The following EPB41L4B variants were observed in gnomAD, a reference collection of about 807,000 sequenced individuals.
EPB41L4B encodes the protein band 4.1-like protein 4B.
EPB41L4B carries 30 observed loss-of-function variants against 112.5 expected under a neutral mutation model. That is an observed-to-expected ratio of 0.27 (90% CI 0.20 to 0.36). The LOEUF is 0.36. Among genes scored for constraint, EPB41L4B ranks in the 10% least tolerant of loss-of-function variants. The probability of loss-of-function intolerance (pLI) is 1.00; values close to 1 mark genes in which losing one functional copy is unlikely to be tolerated. For missense variants in EPB41L4B, 1,024 were observed against 1,133.3 expected (o/e 0.90, Z 1.38); for synonymous variants, 408 against 439.7 (o/e 0.93, Z 0.90).
intron 1 of EPB41L4B, among the ~76,000 whole-genome samples, chr9:109,282,977 C>T (rs1836127778): frequency 6.6e-6 from 1 of 151,994 alleles, no homozygotes; most frequent in Non-Finnish European, 1.5e-5. Flanking sequence ...CCACCGCGCC[C>T]GGCCAAATGA....
intron 4 of EPB41L4B, among the ~76,000 whole-genome samples, chr9:109,265,968 TC>T (rs1554756780): frequency 2.3e-5 from 1 of 43,386 alleles, no homozygotes; most frequent in Non-Finnish European, 5.3e-5. Flanking sequence ...GAATGACTGT[TC>T]GCCAGAAATC....
chr9:109,228,258 A>T (rs959760302), intron 15 of EPB41L4B, among the ~76,000 whole-genome samples: 2 of 152,198 alleles, frequency 1.3e-5, no homozygotes, highest in African/African-American at 4.8e-5. Context: ...TTCTCAGCAA[A>T]TCTGTGCTGT....
intron 4 of EPB41L4B, 71 bp from the exon 5 acceptor site, chr9:109,265,095 T>C (rs1476555831): frequency 5.6e-6 from 7 of 1,254,910 alleles, no homozygotes; most frequent in Non-Finnish European, 7.9e-6. Context: ...AGCTTCCCAC[T>C]GCAAACCCCA....
intron 1 of EPB41L4B, among the ~76,000 whole-genome samples, chr9:109,295,449 A>G (rs2119196831): frequency 6.6e-6 from 1 of 152,314 alleles, no homozygotes; most frequent in South Asian, 2.1e-4. Flanking sequence ...TCCTCAGTGG[A>G]CATACTTGGA....
intron 1 of EPB41L4B, among the ~76,000 whole-genome samples, chr9:109,315,950 A>G (rs959996580): frequency 6.6e-6 from 1 of 151,950 alleles, no homozygotes; most frequent in Non-Finnish European, 1.5e-5. Flanking sequence ...TTTAATGTCT[A>G]TTACTAGAAA....
At position 109,194,684 on chromosome 9, in the gene EPB41L4B, T is replaced by A. The variant is rs185686781; in HGVS notation, c.2046-287A>T. Among the ~76,000 whole-genome samples the A allele has an allele frequency of 3.9e-5, 6 of 152,368 alleles. No homozygotes were observed. In the East Asian group the frequency reaches 1.2e-3, roughly 29 times the overall value. On this transcript the variant is annotated intron_variant, in intron 20 of 25. Transcript: ENST00000374566. ...AACTGCTTATAAATATACAATTCAG[T>A]GGCATTAAATGCATTCACAATATTG... is the stretch of plus-strand genomic sequence containing the variant.
At chr9:109,249,824 C>A (rs1327710211) in intron 13 of EPB41L4B, among the ~76,000 whole-genome samples, 3 of 152,316 alleles carry the variant, frequency 2.0e-5, no homozygotes, top group Admixed American at 6.5e-5. Flanking sequence ...GGGGGCGACA[C>A]AGAGCAGTTC....
Position 109,306,361 on chromosome 9 carries a change from C to G in EPB41L4B, c.306+13780G>C, listed in dbSNP as rs376770210. ...GCGTGGTGGCTCACGCCTGTAACCC[C>G]AGCACTTTGGGAGGCCGAGGTGGGG... On this transcript the variant is annotated intron_variant, in intron 1 of 25. Coordinates refer to ENST00000374566, the MANE Select transcript of EPB41L4B (RefSeq NM_019114.5). Among the ~76,000 whole-genome samples, 193 of 152,288 alleles carry G rather than the reference C, an allele frequency of 1.3e-3. 2 individuals are homozygous for G. Among genetic ancestry groups the G allele is most frequent in the East Asian group, 6.0e-3 (31 of 5,178 alleles).
chr9:109,304,727 A>C (rs965213258), intron 1 of EPB41L4B, among the ~76,000 whole-genome samples: 8 of 152,210 alleles, frequency 5.3e-5, no homozygotes, highest in Non-Finnish European at 1.0e-4. Flanking sequence ...AGGGCTTGGA[A>C]CAATGTAAAT....
intron 1 of EPB41L4B, among the ~76,000 whole-genome samples, chr9:109,281,710 A>T (rs1309031347): frequency 1.6e-5 from 2 of 127,622 alleles, no homozygotes; most frequent in African/African-American, 6.4e-5. Context: ...ATAAATAAAT[A>T]AATAAATAAA....
intron 1 of EPB41L4B, among the ~76,000 whole-genome samples, chr9:109,282,213 T>C (rs1394237419): frequency 6.6e-6 from 1 of 151,968 alleles, no homozygotes; most frequent in Non-Finnish European, 1.5e-5. Context: ...AGCCAGAAAT[T>C]AGATTAGTGG....
intron 15 of EPB41L4B, chr9:109,241,499 T>C (rs1479508224): frequency 2.1e-6 from 3 of 1,435,756 alleles, no homozygotes; most frequent in Non-Finnish European, 2.7e-6. Flanking sequence ...TGACAAGCTA[T>C]AGTGGTTTTA....
intron 18 of EPB41L4B, among the ~76,000 whole-genome samples, chr9:109,205,760 G>C (rs558617453): frequency 6.6e-6 from 1 of 152,290 alleles, no homozygotes; most frequent in East Asian, 1.9e-4. Flanking sequence ...ACTCTGCATA[G>C]ATAATCTCAT....
chr9:109,268,987 T>C (rs945445552), intron 2 of EPB41L4B, among the ~76,000 whole-genome samples: 10 of 151,874 alleles, frequency 6.6e-5, no homozygotes, highest in Non-Finnish European at 1.3e-4. Context: ...TTTTACAAAG[T>C]GGTGCCTGAA....
intron 25 of EPB41L4B, among the ~76,000 whole-genome samples, chr9:109,176,040 TCACACACACGCACACACA>T (rs1264871727): frequency 0.032 from 1,380 of 43,462 alleles, 31 homozygotes; most frequent in African/African-American, 0.13. Context: ...CTTGTCAATA[TCACACACACGCACACACA>T]CACACACACA....
chr9:109,255,688 A>G lies in EPB41L4B; in HGVS notation c.1000-8T>C, dbSNP rs925309185. 7 of 1,611,456 alleles carry G rather than the reference A, an allele frequency of 4.3e-6. No homozygotes were observed. In the African/African-American group the frequency reaches 9.3e-5, roughly 22 times the overall value. ...GTGCTCTTGCTCACGTCCCTTAAAGAGGAAGCACAAGGGCCTCGAGTGGGC... is the reference window on the plus strand; with the variant it reads ...GTGCTCTTGCTCACGTCCCTTAAAGGGGAAGCACAAGGGCCTCGAGTGGGC... On this transcript the variant is annotated splice_polypyrimidine_tract_variant and splice_region_variant and intron_variant, in intron 10 of 25. Transcript: ENST00000374566.
chr9:109,256,592 G>T, intron 7 of EPB41L4B, 112 bp from the exon 8 acceptor site: 1 of 826,100 alleles, frequency 1.2e-6, no homozygotes, highest in Non-Finnish European at 2.0e-6. Context: ...AATGAGGGAT[G>T]CCAAATTATA....
intron 4 of EPB41L4B, among the ~76,000 whole-genome samples, chr9:109,265,868 G>A (rs1301024478): frequency 1.3e-5 from 2 of 152,210 alleles, no homozygotes; most frequent in African/African-American, 2.4e-5. Flanking sequence ...CTTCCCAGGT[G>A]TTTCTGATTC....
At chr9:109,225,648 G>A (rs956045518) in intron 15 of EPB41L4B, among the ~76,000 whole-genome samples, 2 of 152,204 alleles carry the variant, frequency 1.3e-5, no homozygotes, top group African/African-American at 2.4e-5. Flanking sequence ...AGATTTGGGC[G>A]AGGACACAGC....
Sources: gnomAD v4.1 joint callset for allele counts (sites outside exome capture counted in the v4.1 genomes callset) on GRCh38, gnomAD v4.1.1 for gene constraint, MANE v1.5 for transcripts, NCBI Gene and HGNC (gene_info 2026-07-23, HGNC 2026-07-21) for gene names.